The following MMS22L variants were observed in gnomAD, a reference collection of about 807,000 sequenced individuals.
MMS22L encodes protein MMS22-like.
MMS22L carries 74 observed loss-of-function variants against 159.1 expected under a neutral mutation model. The observed-to-expected ratio is 0.47, with a 90% CI of 0.39 to 0.56. MMS22L has a LOEUF of 0.56. Ranked by LOEUF, MMS22L falls within the 20% of genes least tolerant of loss-of-function variation. The pLI is 0.00. For synonymous variants in MMS22L, 517 were observed against 506.9 expected, an observed-to-expected ratio of 1.02 and a Z score of -0.27; for missense variants, 1,351 against 1,422.1, an observed-to-expected ratio of 0.95 and a Z score of 0.80.
At chr6:97,173,357 C>A in intron 18 of MMS22L, 135 bp from the exon 19 acceptor site, 2 of 677,038 alleles carry the variant, frequency 3.0e-6, no homozygotes, top group Non-Finnish European at 2.4e-6. Flanking sequence ...TTGTAACCTT[C>A]CAATAAAGAG....
At chr6:97,269,260 A>G (rs993677788) in intron 7 of MMS22L, among the ~76,000 whole-genome samples, 13 of 152,130 alleles carry the variant, frequency 8.5e-5, no homozygotes, top group African/African-American at 3.1e-4. Context: ...ATAATTGATA[A>G]TATCAACTAC....
Position 97,144,943 on chromosome 6 carries a change from C to G in MMS22L, c.*1863G>C, listed in dbSNP as rs1176149270. Reference sequence around the variant, plus strand: ...AAAGCATGATTCAGTAGCAGCTTTTCCTATCCTTTAAACGTTTTCATACTC... The same window carrying G: ...AAAGCATGATTCAGTAGCAGCTTTTGCTATCCTTTAAACGTTTTCATACTC... On this transcript the variant is annotated 3_prime_UTR_variant, in exon 25 of 25. Coordinates refer to ENST00000683635, the MANE Select transcript of MMS22L (RefSeq NM_001350599.2). The G allele has an allele frequency of 1.3e-5, 2 of 150,020 alleles. No individual in the cohort carries two copies. The highest frequency in any genetic ancestry group is 4.0e-4 in the East Asian group (2 of 5,044). 9.3% of individuals were successfully genotyped at this position (150,020 alleles called of 1,614,324 possible). A position where few individuals can be genotyped will look rare whatever the true frequency, so the allele number is the denominator to read the frequency against.
chr6:97,273,680 G>A (rs894947378), intron 4 of MMS22L, among the ~76,000 whole-genome samples: 1 of 152,020 alleles, frequency 6.6e-6, no homozygotes, highest in Admixed American at 6.6e-5. Flanking sequence ...TCATAAAATG[G>A]TGCCACCAGT....
At chr6:97,180,727 A>G (rs1804622010) in intron 16 of MMS22L, among the ~76,000 whole-genome samples, 1 of 152,204 alleles carries the variant, frequency 6.6e-6, no homozygotes, top group South Asian at 2.1e-4. Context: ...AAAGTCTTTA[A>G]TGCATAATAT....
chr6:97,201,706 T>C (rs1807187220), intron 14 of MMS22L, among the ~76,000 whole-genome samples: 2 of 152,204 alleles, frequency 1.3e-5, no homozygotes, highest in South Asian at 4.1e-4. Context: ...ACAAAATGCT[T>C]TGATTTGCAC....
chr6:97,147,397 A>G (rs1211587480), intron 24 of MMS22L, among the ~76,000 whole-genome samples: 4 of 152,288 alleles, frequency 2.6e-5, no homozygotes, highest in South Asian at 4.1e-4. Context: ...ACTTCCCTGT[A>G]TTTGGAAGGT....
At chr6:97,181,327 T>G (rs1425422061) in intron 16 of MMS22L, among the ~76,000 whole-genome samples, 1 of 152,174 alleles carries the variant, frequency 6.6e-6, no homozygotes, top group Non-Finnish European at 1.5e-5. Context: ...TCTACACTAT[T>G]TCTATTGTAA....
intron 11 of MMS22L, among the ~76,000 whole-genome samples, chr6:97,238,452 A>C (rs1811663576): frequency 6.6e-6 from 1 of 152,134 alleles, no homozygotes; most frequent in Admixed American, 6.5e-5. Context: ...GATTGTTTTT[A>C]GTAAGCCATA....
chr6:97,146,641 C>T lies in MMS22L; in HGVS notation c.*165G>A, dbSNP rs1800936567. On this transcript the variant is annotated 3_prime_UTR_variant, in exon 25 of 25. Coordinates refer to ENST00000683635, the MANE Select transcript of MMS22L (RefSeq NM_001350599.2). ...TATTACACAGTTGCTAATTAACCTT[C>T]AGTTCCTTATTTATACATTTTTTAC... 1 of 456,586 alleles carries T rather than the reference C, an allele frequency of 2.2e-6. No individual in the cohort carries two copies. 28.3% of individuals were successfully genotyped at this position (456,586 alleles called of 1,614,324 possible).
chr6:97,204,794 CAAAAAAAAAA>C (rs58113888), intron 14 of MMS22L, among the ~76,000 whole-genome samples: 1 of 106,410 alleles, frequency 9.4e-6, no homozygotes, highest in African/African-American at 3.6e-5. Context: ...GACTCAGTGT[CAAAAAAAAAA>C]AAAAAAAAAT....
At chr6:97,164,972 TG>T (rs531406162) in intron 21 of MMS22L, among the ~76,000 whole-genome samples, 1 of 152,100 alleles carries the variant, frequency 6.6e-6, no homozygotes, top group African/African-American at 2.4e-5. Context: ...GTTTATCTGA[TG>T]AAAAACTAAA....
intron 15 of MMS22L, among the ~76,000 whole-genome samples, chr6:97,184,684 C>T (rs1805045181): frequency 2.0e-5 from 3 of 152,054 alleles, no homozygotes; most frequent in Non-Finnish European, 4.4e-5. Context: ...GGAAACCTGA[C>T]CACTTCTCAC....
At chr6:97,277,451 G>A (rs1206343465) in intron 4 of MMS22L, among the ~76,000 whole-genome samples, 1 of 151,640 alleles carries the variant, frequency 6.6e-6, no homozygotes, top group Non-Finnish European at 1.5e-5. Context: ...ATGATACAGG[G>A]CCACTCCATT....
At chr6:97,241,278 A>G (rs562954841) in intron 11 of MMS22L, among the ~76,000 whole-genome samples, 5 of 152,292 alleles carry the variant, frequency 3.3e-5, no homozygotes, top group South Asian at 2.1e-4. Flanking sequence ...ATGCATGTGC[A>G]AGTGTTTCAT....
At chr6:97,271,026 A>G (rs1815681012) in intron 6 of MMS22L, 1 of 152,142 alleles carries the variant, frequency 6.6e-6, no homozygotes, top group Admixed American at 6.5e-5. Context: ...ATAAAAGAAA[A>G]TATTTGCAAT....
intron 4 of MMS22L, among the ~76,000 whole-genome samples, chr6:97,275,841 C>CA (rs1376063392): frequency 6.6e-6 from 1 of 151,842 alleles, no homozygotes; most frequent in Non-Finnish European, 1.5e-5. Flanking sequence ...CTTATCTCTA[C>CA]AAAAAATTAA....
At chr6:97,255,804 G>A (rs889091518) in intron 9 of MMS22L, among the ~76,000 whole-genome samples, 4 of 151,768 alleles carry the variant, frequency 2.6e-5, no homozygotes, top group Non-Finnish European at 5.9e-5. Context: ...AAATTGCTAC[G>A]GTTAACACCA....
chr6:97,274,562 C>T (rs373409020), intron 4 of MMS22L, among the ~76,000 whole-genome samples: 5 of 151,962 alleles, frequency 3.3e-5, no homozygotes, highest in African/African-American at 7.3e-5. Context: ...GAAACTGAGC[C>T]CTACAACTGT....
intron 14 of MMS22L, among the ~76,000 whole-genome samples, chr6:97,214,300 A>G (rs1367549651): frequency 6.6e-6 from 1 of 152,220 alleles, no homozygotes; most frequent in East Asian, 1.9e-4. Context: ...AGTTTTCACA[A>G]ATAAGAAATA....
Sources: allele counts gnomAD v4.1 joint callset (sites outside exome capture counted in the v4.1 genomes callset), GRCh38; gene constraint gnomAD v4.1.1; transcripts MANE v1.5; gene names NCBI Gene and HGNC (gene_info 2026-07-23, HGNC 2026-07-21).